Variants in SND1 observed in about 807,000 individuals in gnomAD.
SND1 encodes staphylococcal nuclease and tudor domain containing 1.
SND1 carries 38 observed loss-of-function variants against 121.7 expected under a neutral mutation model. The ratio of observed to expected loss-of-function variants is 0.31; its 90% CI spans 0.24 to 0.41. The LOEUF (loss-of-function observed/expected upper bound fraction) is 0.41, where lower values mean the gene tolerates loss of function less well. Ranked by LOEUF, SND1 falls within the 10% of genes least tolerant of loss-of-function variation. The probability of loss-of-function intolerance (pLI) is 1.00; values close to 1 mark genes in which losing one functional copy is unlikely to be tolerated. For synonymous variants in SND1, 401 were observed against 447.4 expected (o/e 0.90, Z 1.31); for missense variants, 868 against 1,184.6 (o/e 0.73, Z 3.92).
At chr7:127,737,758 C>T (rs1033433093) in intron 10 of SND1, among the ~76,000 whole-genome samples, 1 of 152,126 alleles carries the variant, frequency 6.6e-6, no homozygotes, top group Non-Finnish European at 1.5e-5. Context: ...TGAAATGTTC[C>T]CATGAGTATT....
chr7:127,684,881 A>G (rs954548036), intron 1 of SND1, among the ~76,000 whole-genome samples: 3 of 151,624 alleles, frequency 2.0e-5, no homozygotes, highest in African/African-American at 7.3e-5. Flanking sequence ...TACTAATTTA[A>G]TGTACAATTA....
chr7:127,826,244 A>G (rs1036693832), intron 11 of SND1, among the ~76,000 whole-genome samples: 4 of 152,156 alleles, frequency 2.6e-5, no homozygotes, highest in Non-Finnish European at 5.9e-5. Flanking sequence ...ACATCCTTAA[A>G]TAAACTTTTA....
In SND1 at chr7:127,701,772, G is replaced by T. The variant is rs939328956; in HGVS notation, c.589+449G>T. On this transcript the variant is annotated intron_variant, in intron 5 of 23. Coordinates refer to ENST00000354725, the MANE Select transcript of SND1 (RefSeq NM_014390.4). ...GATGCTCGAGTCCTTTATATAAAATGGTGCAGTATTTGCCTATAACCCACT... is the reference window on the plus strand; with the variant it reads ...GATGCTCGAGTCCTTTATATAAAATTGTGCAGTATTTGCCTATAACCCACT... Among the ~76,000 whole-genome samples the T allele has an allele frequency of 2.6e-5, 4 of 152,072 alleles. No individual in the cohort carries two copies. In the East Asian group the frequency reaches 5.8e-4, roughly 22 times the overall value.
At chr7:127,775,045 C>T (rs1797590227) in intron 10 of SND1, among the ~76,000 whole-genome samples, 1 of 152,136 alleles carries the variant, frequency 6.6e-6, no homozygotes, top group Non-Finnish European at 1.5e-5. Flanking sequence ...AATCCAGTGG[C>T]TTGTGTTCTG....
chr7:127,953,151 CGTGTGTGTGTGTGTGTGTGTGTGTGT>C (rs59825900), intron 15 of SND1, among the ~76,000 whole-genome samples: 4,662 of 92,324 alleles, frequency 0.05, 165 homozygotes, highest in African/African-American at 0.093. Flanking sequence ...GTGACAAGAC[CGTGTGTGTGTGTGTGTGTGTGTGTGT>C]GTGTGTGTGT....
intron 16 of SND1, among the ~76,000 whole-genome samples, chr7:128,068,854 T>C (rs1229094852): frequency 6.6e-6 from 1 of 152,236 alleles, no homozygotes; most frequent in Non-Finnish European, 1.5e-5. Context: ...GTGCCGTTTG[T>C]ATTAATTTGG....
chr7:128,070,557 G>A (rs1003544656), intron 16 of SND1, among the ~76,000 whole-genome samples: 5 of 152,316 alleles, frequency 3.3e-5, no homozygotes, highest in Middle Eastern at 6.8e-3. Context: ...CAAGAGATGA[G>A]TGGCTATGTT....
chr7:127,951,287 T>A (rs957107978), intron 15 of SND1, among the ~76,000 whole-genome samples: 3 of 152,222 alleles, frequency 2.0e-5, no homozygotes, highest in Admixed American at 1.3e-4. Context: ...TGGATGAATC[T>A]GCAGGTCATT....
chr7:128,006,907 G>A (rs543937101), intron 16 of SND1, among the ~76,000 whole-genome samples: 3 of 152,334 alleles, frequency 2.0e-5, no homozygotes, highest in Non-Finnish European at 4.4e-5. Flanking sequence ...CGCAGTCTTT[G>A]TGTCAGCCCG....
intron 16 of SND1, among the ~76,000 whole-genome samples, chr7:127,991,859 A>G (rs1442845581): frequency 6.6e-6 from 1 of 152,192 alleles, no homozygotes; most frequent in Non-Finnish European, 1.5e-5. Context: ...GCTCAGTGAT[A>G]AAAATACCTG....
At chr7:127,829,408 T>TA (rs890222513) in intron 11 of SND1, among the ~76,000 whole-genome samples, 18 of 151,824 alleles carry the variant, frequency 1.2e-4, no homozygotes, top group East Asian at 9.6e-4. Flanking sequence ...ACTTTTAATT[T>TA]AAAAAAAATG....
chr7:127,875,858 G>A (rs1415901401), intron 12 of SND1, among the ~76,000 whole-genome samples: 2 of 152,116 alleles, frequency 1.3e-5, no homozygotes, highest in Non-Finnish European at 2.9e-5. Flanking sequence ...CATTGGCAAT[G>A]TCCTTTTTAT....
chr7:128,004,319 G>A (rs1802909248), intron 16 of SND1, among the ~76,000 whole-genome samples: 1 of 152,100 alleles, frequency 6.6e-6, no homozygotes, highest in Non-Finnish European at 1.5e-5. Context: ...GGTGTGGTGG[G>A]GAGGTTTCTA....
intron 10 of SND1, among the ~76,000 whole-genome samples, chr7:127,789,047 G>A (rs917874315): frequency 6.6e-6 from 1 of 152,112 alleles, no homozygotes; most frequent in Non-Finnish European, 1.5e-5. Context: ...CCAGTGATTG[G>A]CATGTACATT....
chr7:127,718,079 A>C (rs1796420981), intron 9 of SND1, among the ~76,000 whole-genome samples: 1 of 152,080 alleles, frequency 6.6e-6, no homozygotes, highest in Non-Finnish European at 1.5e-5. Context: ...TGGGGAGGGA[A>C]TTGGATTTAG....
chr7:127,894,395 A>G (rs958852447), intron 13 of SND1, among the ~76,000 whole-genome samples: 20 of 152,088 alleles, frequency 1.3e-4, no homozygotes, highest in African/African-American at 4.1e-4. Flanking sequence ...AAAAAAAAAA[A>G]AAGAAGAAAG....
chr7:127,936,045 A>G (rs1801053955), intron 15 of SND1, among the ~76,000 whole-genome samples: 1 of 152,166 alleles, frequency 6.6e-6, no homozygotes, highest in Admixed American at 6.5e-5. Context: ...CCCTGTATGT[A>G]GAATGATCGC....
chr7:128,001,421 G>A (rs1396647621), intron 16 of SND1, among the ~76,000 whole-genome samples: 2 of 152,120 alleles, frequency 1.3e-5, no homozygotes, highest in East Asian at 3.8e-4. Flanking sequence ...CTAAACCGAG[G>A]GCAATCTCAG....
chr7:127,853,604 A>T (rs2058457), intron 12 of SND1, among the ~76,000 whole-genome samples: 43,185 of 152,048 alleles, frequency 0.28, 7,704 homozygotes, highest in East Asian at 0.7. Flanking sequence ...CCCAGGGTTT[A>T]ATGCTGCCCT....
Sources: gnomAD v4.1 joint callset for allele counts (sites outside exome capture counted in the v4.1 genomes callset) on GRCh38, gnomAD v4.1.1 for gene constraint, MANE v1.5 for transcripts, NCBI Gene and HGNC (gene_info 2026-07-23, HGNC 2026-07-21) for gene names.